The following RIT2 variants were observed in gnomAD, a reference collection of about 807,000 sequenced individuals.
RIT2 encodes the protein GTP-binding protein Rit2.
RIT2 carries 24 observed loss-of-function variants against 23.7 expected under a neutral mutation model. That is an observed-to-expected ratio of 1.01 (90% CI 0.73 to 1.43). The LOEUF is 1.43. Ranked by LOEUF, RIT2 falls within the 40% of genes most tolerant of loss-of-function variation. The pLI, the probability that RIT2 is intolerant of heterozygous loss-of-function variation, is 0.00. For missense variants in RIT2, 236 were observed against 266.9 expected, an observed-to-expected ratio of 0.88 and a Z score of 0.81; for synonymous variants, 107 against 91.1, an observed-to-expected ratio of 1.17 and a Z score of -0.99.
chr18:42,767,547 G>T (rs1477161554), intron 4 of RIT2, among the ~76,000 whole-genome samples: 1 of 152,152 alleles, frequency 6.6e-6, no homozygotes, highest in African/African-American at 2.4e-5. Flanking sequence ...CCTTGTCTCA[G>T]ATGAGACTTC....
At position 43,073,438 on chromosome 18, in the gene RIT2, G is replaced by A. The variant is rs950512349; in HGVS notation, c.104-39571C>T. Among the ~76,000 whole-genome samples, 3 of 152,096 alleles carry A rather than the reference G, an allele frequency of 2.0e-5. No individual in the cohort carries two copies. In the East Asian group the frequency reaches 5.8e-4, roughly 29 times the overall value. On this transcript the variant is annotated intron_variant, in intron 1 of 4. Transcript: ENST00000326695. ...TGTTCCTTTGGATGTATCTGGTGTG[G>A]CATTTAAAGGTATAATATCATTCTT...
chr18:42,863,392 A>C (rs1907381869), intron 4 of RIT2, among the ~76,000 whole-genome samples: 1 of 152,066 alleles, frequency 6.6e-6, no homozygotes, highest in Non-Finnish European at 1.5e-5. Context: ...TTAATTATCA[A>C]AGTTTACCTC....
chr18:42,824,946 T>A (rs151252913), intron 4 of RIT2, among the ~76,000 whole-genome samples: 97 of 152,064 alleles, frequency 6.4e-4, no homozygotes, highest in Admixed American at 2.7e-3. Flanking sequence ...TGAATTAACT[T>A]CTATTTTCAA....
intron 1 of RIT2, among the ~76,000 whole-genome samples, chr18:43,111,609 A>G: frequency 6.6e-6 from 1 of 152,334 alleles, no homozygotes; most frequent in South Asian, 2.1e-4. Context: ...ACAAATAAAC[A>G]TAAAAAAATC....
intron 4 of RIT2, among the ~76,000 whole-genome samples, chr18:42,750,171 C>T (rs1251003608): frequency 1.3e-5 from 2 of 151,706 alleles, no homozygotes; most frequent in African/African-American, 2.4e-5. Context: ...AATATGGCAA[C>T]ATATAATTCC....
At chr18:42,949,926 T>C (rs918680954) in intron 3 of RIT2, among the ~76,000 whole-genome samples, 5 of 152,150 alleles carry the variant, frequency 3.3e-5, no homozygotes, top group African/African-American at 7.2e-5. Flanking sequence ...TATCTGCTAC[T>C]CATTTATATC....
Position 42,759,765 on chromosome 18 carries a change from A to G in RIT2, c.427-16045T>C, listed in dbSNP as rs942186546. On this transcript the variant is annotated intron_variant, in intron 4 of 4. Coordinates refer to ENST00000326695, the MANE Select transcript of RIT2 (RefSeq NM_002930.4). ...CACACACACACACACATACGGATAT[A>G]TATATATATATATATAAATTTTTTT... Among the ~76,000 whole-genome samples, 4 of 144,466 alleles carry G rather than the reference A, an allele frequency of 2.8e-5. No individual in the cohort carries two copies. The South Asian group carries it at 6.3e-4, about 23-fold the overall frequency. The allele number at this position is 144,466 out of a possible 152,430, so 94.8% of individuals were successfully genotyped here. A position where few individuals can be genotyped will look rare whatever the true frequency, so the allele number is the denominator to read the frequency against.
chr18:42,977,614 A>G (rs556725668), intron 2 of RIT2, among the ~76,000 whole-genome samples: 20 of 151,824 alleles, frequency 1.3e-4, no homozygotes, highest in Non-Finnish European at 2.6e-4. Flanking sequence ...GACACACAAA[A>G]ACACACATGG....
intron 4 of RIT2, among the ~76,000 whole-genome samples, chr18:42,759,824 C>T (rs954487510): frequency 6.6e-6 from 1 of 150,656 alleles, no homozygotes; most frequent in African/African-American, 2.4e-5. Context: ...GTTGCCCAGG[C>T]TGGAGTGCAA....
At chr18:43,030,830 A>T (rs1911837087) in intron 2 of RIT2, among the ~76,000 whole-genome samples, 1 of 152,100 alleles carries the variant, frequency 6.6e-6, no homozygotes, top group African/African-American at 2.4e-5. Context: ...ACGAGAAGGA[A>T]TCCTGGAAAA....
chr18:42,830,580 G>C (rs538952562), intron 4 of RIT2, among the ~76,000 whole-genome samples: 1 of 152,142 alleles, frequency 6.6e-6, no homozygotes, highest in Non-Finnish European at 1.5e-5. Context: ...GATCCGTAAC[G>C]TGTATAGAGC....
intron 3 of RIT2, among the ~76,000 whole-genome samples, chr18:42,936,110 A>C (rs1380239630): frequency 2.6e-5 from 4 of 152,042 alleles, no homozygotes; most frequent in Middle Eastern, 3.4e-3. Flanking sequence ...AGTGATCACA[A>C]ATTGGCCTTA....
intron 4 of RIT2, among the ~76,000 whole-genome samples, chr18:42,873,267 C>A (rs934687013): frequency 3.3e-5 from 5 of 152,208 alleles, no homozygotes; most frequent in Admixed American, 6.6e-5. Context: ...TGTGCTTTAT[C>A]TATTGAATGA....
chr18:43,074,012 A>T (rs1912956085), intron 1 of RIT2, among the ~76,000 whole-genome samples: 1 of 152,180 alleles, frequency 6.6e-6, no homozygotes, highest in African/African-American at 2.4e-5. Flanking sequence ...CGGGGATCAT[A>T]ATGTATGTGA....
chr18:42,988,420 A>G (rs752270782), intron 2 of RIT2, among the ~76,000 whole-genome samples: 4 of 152,136 alleles, frequency 2.6e-5, no homozygotes, highest in Non-Finnish European at 4.4e-5. Context: ...GACAATTTCT[A>G]GATAATTAGT....
intron 4 of RIT2, among the ~76,000 whole-genome samples, chr18:42,792,805 G>A (rs1181284994): frequency 6.6e-6 from 1 of 152,016 alleles, no homozygotes; most frequent in Non-Finnish European, 1.5e-5. Flanking sequence ...AAATACAAAT[G>A]CATCCCAAAT....
chr18:43,024,986 T>A (rs1911679743), intron 2 of RIT2, among the ~76,000 whole-genome samples: 1 of 151,830 alleles, frequency 6.6e-6, no homozygotes, highest in African/African-American at 2.4e-5. Context: ...GGCAGACAGA[T>A]CACTTGAGGT....
chr18:43,027,044 A>G (rs1303066217), intron 2 of RIT2, among the ~76,000 whole-genome samples: 1 of 152,148 alleles, frequency 6.6e-6, no homozygotes, highest in African/African-American at 2.4e-5. Context: ...AAGTGAAAAA[A>G]GTGGATGAAA....
intron 4 of RIT2, among the ~76,000 whole-genome samples, chr18:42,768,685 TTTCC>T (rs750682465): frequency 1.3e-5 from 2 of 152,152 alleles, no homozygotes; most frequent in Non-Finnish European, 2.9e-5. Context: ...AGATATCCCA[TTTCC>T]TAGCTGGATA....
Sources: gnomAD v4.1 joint callset for allele counts (sites outside exome capture counted in the v4.1 genomes callset) on GRCh38, gnomAD v4.1.1 for gene constraint, MANE v1.5 for transcripts, NCBI Gene and HGNC (gene_info 2026-07-23, HGNC 2026-07-21) for gene names.